The following SRGAP3 variants were observed in gnomAD, a reference collection of about 807,000 sequenced individuals.
SRGAP3 encodes SLIT-ROBO Rho GTPase-activating protein 3.
A neutral mutation model predicts 121.1 loss-of-function variants in SRGAP3; 39 were observed. That is an observed-to-expected ratio of 0.32 (90% CI 0.25 to 0.42). The LOEUF (loss-of-function observed/expected upper bound fraction) is 0.42, where lower values mean the gene tolerates loss of function less well. Among genes scored for constraint, SRGAP3 ranks in the 10% least tolerant of loss-of-function variants. The probability of loss-of-function intolerance (pLI) is 1.00; values close to 1 mark genes in which losing one functional copy is unlikely to be tolerated. For missense variants in SRGAP3, 1,213 were observed against 1,470.6 expected (o/e 0.82, Z 2.86); for synonymous variants, 601 against 570.0 (o/e 1.05, Z -0.77).
chr3:9,030,924 C>A (rs1327223317), intron 12 of SRGAP3, among the ~76,000 whole-genome samples: 1 of 150,636 alleles, frequency 6.6e-6, no homozygotes, highest in Non-Finnish European at 1.5e-5. Flanking sequence ...TGTGCTTGAG[C>A]TCATAGCTCT....
chr3:9,130,961 C>A (rs776825553), intron 1 of SRGAP3, among the ~76,000 whole-genome samples: 5 of 152,182 alleles, frequency 3.3e-5, no homozygotes, highest in Non-Finnish European at 7.3e-5. Flanking sequence ...GTGCATGGAA[C>A]CCTCCAGCAG....
intron 3 of SRGAP3, among the ~76,000 whole-genome samples, chr3:9,279,935 G>T (rs570793990): frequency 7.2e-5 from 11 of 152,286 alleles, no homozygotes; most frequent in African/African-American, 2.6e-4. Context: ...GAAGTTTGGG[G>T]CTCAGAATGA....
At chr3:9,209,282 T>C (rs1952363207) in intron 1 of SRGAP3, among the ~76,000 whole-genome samples, 1 of 152,148 alleles carries the variant, frequency 6.6e-6, no homozygotes, top group Non-Finnish European at 1.5e-5. Flanking sequence ...AAAGATAAAC[T>C]GACAAATAAA....
intron 4 of SRGAP3, among the ~76,000 whole-genome samples, chr3:9,078,462 C>G (rs892754195): frequency 6.6e-6 from 1 of 152,116 alleles, no homozygotes; most frequent in Non-Finnish European, 1.5e-5. Context: ...CCCTTCCCCC[C>G]ACCGTGAGTA....
At chr3:9,154,491 T>C (rs1438843427) in intron 1 of SRGAP3, among the ~76,000 whole-genome samples, 1 of 151,554 alleles carries the variant, frequency 6.6e-6, no homozygotes, top group Non-Finnish European at 1.5e-5. Context: ...GCAGCTTCAT[T>C]CCTACCTCTA....
chr3:9,266,285 C>T (rs1035545998), intron 3 of SRGAP3, among the ~76,000 whole-genome samples: 7 of 151,916 alleles, frequency 4.6e-5, no homozygotes, highest in South Asian at 2.1e-4. Context: ...GACAGGTTGA[C>T]AGGTGCAGCA....
chr3:9,312,417 A>G (rs1955263008), intron 3 of SRGAP3, among the ~76,000 whole-genome samples: 1 of 152,222 alleles, frequency 6.6e-6, no homozygotes, highest in Non-Finnish European at 1.5e-5. Flanking sequence ...TCGGCCACCC[A>G]AAGTGCTGGG....
intron 1 of SRGAP3, among the ~76,000 whole-genome samples, chr3:9,182,024 A>G (rs574586883): frequency 6.6e-6 from 1 of 152,130 alleles, no homozygotes; most frequent in South Asian, 2.1e-4. Context: ...AAAATAGAAA[A>G]AATTAGCTGC....
intron 3 of SRGAP3, among the ~76,000 whole-genome samples, chr3:9,311,631 A>T (rs1471036646): frequency 6.6e-6 from 1 of 152,254 alleles, no homozygotes; most frequent in African/African-American, 2.4e-5. Flanking sequence ...CACATGTCAC[A>T]AAATGTTATT....
chr3:9,236,813 T>A (rs778432541), intron 1 of SRGAP3, among the ~76,000 whole-genome samples: 2 of 152,240 alleles, frequency 1.3e-5, no homozygotes, highest in Admixed American at 1.3e-4. Flanking sequence ...TGTCTTTTCA[T>A]AGAACTATGT....
At chr3:9,010,252 G>A (rs767079077) in intron 18 of SRGAP3, 56 bp downstream of exon 18, 66 of 1,601,900 alleles carry the variant, frequency 4.1e-5, no homozygotes, top group Non-Finnish European at 5.5e-5. Flanking sequence ...GCTGACAAAA[G>A]TCAGTGTGAG....
chr3:8,985,437 G>T lies in SRGAP3; in HGVS notation c.*82C>A. On this transcript the variant is annotated 3_prime_UTR_variant, in exon 22 of 22. Coordinates refer to ENST00000383836, the MANE Select transcript of SRGAP3 (RefSeq NM_014850.4). This position sits in a 1 kb window ranked among gnomAD's most constrained non-coding sequence, Gnocchi z 5.1. ...TCTGCCCTCCAAGGCCAGGGTCACTGGGAAGCACGTGGAAGCCACCAAGGC... is the reference window on the plus strand; with the variant it reads ...TCTGCCCTCCAAGGCCAGGGTCACTTGGAAGCACGTGGAAGCCACCAAGGC... 6.3e-7 allele frequency: 1 copy of T among 1,580,162 alleles called. No individual in the cohort carries two copies. Among genetic ancestry groups the T allele is most frequent in the South Asian group, 1.1e-5 (1 of 88,316 alleles).
chr3:9,290,719 G>A (rs1288117145), intron 3 of SRGAP3, among the ~76,000 whole-genome samples: 3 of 152,084 alleles, frequency 2.0e-5, no homozygotes, highest in Non-Finnish European at 4.4e-5. Flanking sequence ...TAGAAGGGGG[G>A]AATTCTCAAG....
intron 4 of SRGAP3, among the ~76,000 whole-genome samples, chr3:9,078,605 C>T (rs1947090051): frequency 6.6e-6 from 1 of 152,162 alleles, no homozygotes; most frequent in South Asian, 2.1e-4. Flanking sequence ...CATACAGGAT[C>T]TCCTCGAATT....
intron 1 of SRGAP3, chr3:9,236,347 T>C (rs1381429118): frequency 1.9e-5 from 3 of 161,620 alleles, no homozygotes; most frequent in Non-Finnish European, 1.4e-5. Flanking sequence ...CTTACTACAC[T>C]GTGTCATAAT....
At chr3:9,262,833 A>C (rs922391967) in intron 3 of SRGAP3, among the ~76,000 whole-genome samples, 3 of 152,166 alleles carry the variant, frequency 2.0e-5, no homozygotes, top group Non-Finnish European at 2.9e-5. Context: ...ATTAACAAGG[A>C]TATTCAGGAC....
In SRGAP3 at chr3:8,991,957, G is replaced by A. The variant is rs1411082149; in HGVS notation, c.2558+949C>T. Among the ~76,000 whole-genome samples, 3 of 152,156 alleles carry A rather than the reference G, an allele frequency of 2.0e-5. No individual in the cohort carries two copies. In the East Asian group the frequency reaches 5.8e-4, roughly 29 times the overall value. ...GAGGAAAAGAGAGGCAGAAGATATG[G>A]TCCTCCTAGAAGTCAGGGGACCATA... On this transcript the variant is annotated intron_variant, in intron 20 of 21. Transcript: ENST00000383836.
rs376591200 is a variant in SRGAP3, at chr3:9,104,227, T to C, written c.423+453A>G. Among the ~76,000 whole-genome samples the C allele has an allele frequency of 3.9e-5, 6 of 152,314 alleles. No homozygotes were observed. In the South Asian group the frequency reaches 8.3e-4, roughly 21 times the overall value. On this transcript the variant is annotated intron_variant, in intron 3 of 21. Transcript: ENST00000383836. ...ATCATATATGCATTATGATCTGATT[T>C]AGAAAAAATGCATGTGTACACTAGA...
chr3:9,075,399 A>G (rs1310257298), intron 4 of SRGAP3, among the ~76,000 whole-genome samples: 1 of 142,160 alleles, frequency 7.0e-6, no homozygotes, highest in Admixed American at 6.7e-5. Flanking sequence ...GTGCGCGCGC[A>G]CATATGTGCA....
Sources: gnomAD v4.1 joint callset for allele counts (sites outside exome capture counted in the v4.1 genomes callset) on GRCh38, gnomAD v4.1.1 for gene constraint, Gnocchi (gnomAD v3.1) non-coding constraint, MANE v1.5 for transcripts, NCBI Gene and HGNC (gene_info 2026-07-23, HGNC 2026-07-21) for gene names.